The following ZNF280C variants were observed in gnomAD, a reference collection of about 807,000 sequenced individuals.
The protein encoded by ZNF280C is suppressor of hairy wing homolog 3.
ZNF280C carries 14 observed loss-of-function variants against 53.6 expected under a neutral mutation model. The observed-to-expected ratio is 0.26, with a 90% CI of 0.17 to 0.41. ZNF280C has a LOEUF of 0.41. Ranked by LOEUF, ZNF280C falls within the 10% of genes least tolerant of loss-of-function variation. ZNF280C has a pLI of 1.00. For missense variants in ZNF280C, 416 were observed against 547.1 expected, an observed-to-expected ratio of 0.76 and a Z score of 2.39; for synonymous variants, 203 against 181.1, an observed-to-expected ratio of 1.12 and a Z score of -0.97.
chrX:130,220,222 T>C, intron 13 of ZNF280C, 127 bp downstream of exon 13: 1 of 522,983 alleles, frequency 1.9e-6, no homozygotes, highest in Non-Finnish European at 2.8e-6. Context: ...TAAATTATTG[T>C]TAATATAGTT....
intron 3 of ZNF280C, among the ~76,000 whole-genome samples, chrX:130,245,650 G>A (rs1415313615): frequency 1.8e-5 from 2 of 111,821 alleles, no homozygotes; most frequent in Non-Finnish European, 3.8e-5. Context: ...TAAGAAAGAA[G>A]ACTGGTATGC....
At chrX:130,207,789 C>A (rs948624531) in intron 16 of ZNF280C, among the ~76,000 whole-genome samples, 7 of 112,187 alleles carry the variant, frequency 6.2e-5, no homozygotes, top group African/African-American at 2.3e-4. Flanking sequence ...AACTTTTATT[C>A]ATGTTATTTC....
intron 12 of ZNF280C, among the ~76,000 whole-genome samples, chrX:130,222,555 C>G (rs960093194): frequency 3.6e-5 from 4 of 112,212 alleles, no homozygotes; most frequent in African/African-American, 1.3e-4. Flanking sequence ...TTTACTTGTC[C>G]AGAGCCCCAA....
At chrX:130,240,219 GACAAAGA>G (rs769522018) in intron 5 of ZNF280C, among the ~76,000 whole-genome samples, 51 of 111,417 alleles carry the variant, frequency 4.6e-4, no homozygotes, top group Non-Finnish European at 6.8e-4. Flanking sequence ...AATACCCAAT[GACAAAGA>G]ACAATGTTCC....
At chrX:130,247,039 T>C in intron 2 of ZNF280C, 34 bp from the exon 3 acceptor site, 3 of 1,163,484 alleles carry the variant, frequency 2.6e-6, no homozygotes, top group Non-Finnish European at 3.5e-6. Flanking sequence ...TAACTTTATT[T>C]TCAAAGAGAA....
At chrX:130,249,449 G>C (rs1369281197) in intron 2 of ZNF280C, among the ~76,000 whole-genome samples, 1 of 112,004 alleles carries the variant, frequency 8.9e-6, no homozygotes, top group Non-Finnish European at 1.9e-5. Context: ...GAGCACCTCA[G>C]TCCCCCTAGC....
At chrX:130,208,155 C>T (rs1314379011) in intron 16 of ZNF280C, among the ~76,000 whole-genome samples, 4 of 111,357 alleles carry the variant, frequency 3.6e-5, no homozygotes, top group Non-Finnish European at 5.7e-5. Flanking sequence ...TTTTTGAGAC[C>T]GAGTCTCACT....
At chrX:130,229,395 AT>A (rs2032255349) in intron 9 of ZNF280C, among the ~76,000 whole-genome samples, 1 of 112,008 alleles carries the variant, frequency 8.9e-6, no homozygotes, top group African/African-American at 3.2e-5. Context: ...CTGTAACACT[AT>A]ATCATTATTT....
At chrX:130,208,877 G>A (rs769963563) in intron 16 of ZNF280C, among the ~76,000 whole-genome samples, 18 of 109,848 alleles carry the variant, frequency 1.6e-4, no homozygotes, top group African/African-American at 6.0e-4. Context: ...GGTATTTTTA[G>A]TAGAGACAGG....
intron 2 of ZNF280C, among the ~76,000 whole-genome samples, chrX:130,249,802 G>T (rs140991707): frequency 1.6e-3 from 181 of 111,854 alleles, no homozygotes; most frequent in African/African-American, 5.5e-3. Context: ...GGTTCCGAAG[G>T]GGGCTGAGAT....
chrX:130,236,254 A>C lies in ZNF280C; in HGVS notation c.731T>G (p.Val244Gly). ...CAAAGGATCCAAAAGATTGAACTGA[A>C]CATTGCACTTTGGACAAGCTCTTAG... The part of the protein sequence containing the change: ...DYLRACPKCN[V>G]QFNLLDPLKY... Residue 244 changes from valine to glycine, a missense_variant, in exon 8 of 19, where the codon GTT (valine) becomes GGT (glycine). Val to Gly is a moderately radical substitution (Grantham distance 109). Around this residue, in one of 3 missense-constraint regions of ZNF280C, gnomAD observed 193 missense variants for 201.4 expected, o/e 0.96. Transcript: ENST00000370978. 2.5e-6 allele frequency: 3 copies of C among 1,208,539 alleles called. No homozygotes were observed. Among genetic ancestry groups the C allele is most frequent in the Non-Finnish European group, 2.2e-6 (2 of 893,801 alleles).
chrX:130,203,137 T>A lies in ZNF280C; in HGVS notation c.*1840A>T, dbSNP rs919011959. On this transcript the variant is annotated 3_prime_UTR_variant, in exon 19 of 19. Transcript: ENST00000370978. ...AAGTATGAAATTAAGAAGCTACCAATAAGTAGCTACACGAAATCTGTAGAC... is the reference window on the plus strand; with the variant it reads ...AAGTATGAAATTAAGAAGCTACCAAAAAGTAGCTACACGAAATCTGTAGAC... 4 of 111,292 alleles carry A rather than the reference T, an allele frequency of 3.6e-5. No individual in the cohort carries two copies. The highest frequency in any genetic ancestry group is 7.5e-5 in the Non-Finnish European group (4 of 53,113). The allele number at this position is 111,292 out of a possible 1,213,427, so 9.2% of individuals were successfully genotyped here.
chrX:130,258,192 G>A (rs2032595443), intron 2 of ZNF280C, among the ~76,000 whole-genome samples: 2 of 111,722 alleles, frequency 1.8e-5, no homozygotes, highest in South Asian at 3.7e-4. Flanking sequence ...GTGGATTGTC[G>A]GGGACAACTA....
chrX:130,232,796 A>G lies in ZNF280C; in HGVS notation c.772-2069T>C, dbSNP rs768189479. ...GGAGGTTTCTCAAAAAGTTAAAAAT[A>G]GAACTACCATATGATCCAGTAATCC... On this transcript the variant is annotated intron_variant, in intron 8 of 18. Transcript: ENST00000370978. 5.3e-5 allele frequency among the ~76,000 whole-genome samples: 6 copies of G among 112,288 alleles called. No homozygotes were observed. In the South Asian group the frequency reaches 2.2e-3, roughly 42 times the overall value.
At chrX:130,248,989 T>C (rs2032478135) in intron 2 of ZNF280C, among the ~76,000 whole-genome samples, 1 of 111,643 alleles carries the variant, frequency 9.0e-6, no homozygotes, top group Non-Finnish European at 1.9e-5. Flanking sequence ...ACCATTGTAG[T>C]CGGAGCCTTG....
At chrX:130,224,115 T>C (rs1225361706) in intron 12 of ZNF280C, among the ~76,000 whole-genome samples, 1 of 111,887 alleles carries the variant, frequency 8.9e-6, no homozygotes, top group African/African-American at 3.3e-5. Context: ...TAATTTTCAA[T>C]GTAATAGTAT....
intron 10 of ZNF280C, 145 bp downstream of exon 10, chrX:130,228,831 TA>T: frequency 1.7e-6 from 1 of 581,632 alleles, no homozygotes; most frequent in Non-Finnish European, 2.6e-6. Flanking sequence ...TCTAGGTTTA[TA>T]AAAGTTATGA....
chrX:130,239,117 C>T (rs1190728843), intron 6 of ZNF280C, among the ~76,000 whole-genome samples: 1 of 111,656 alleles, frequency 9.0e-6, no homozygotes, highest in Non-Finnish European at 1.9e-5. Context: ...GTTCATTTTA[C>T]AATACTACTC....
At chrX:130,219,248 G>C (rs2124699893) in intron 13 of ZNF280C, among the ~76,000 whole-genome samples, 1 of 110,917 alleles carries the variant, frequency 9.0e-6, no homozygotes, top group South Asian at 3.9e-4. Flanking sequence ...CACTCTGGGA[G>C]GCCGAGGCGG....
Sources: gnomAD v4.1 joint callset for allele counts (sites outside exome capture counted in the v4.1 genomes callset) on GRCh38, gnomAD v4.1.1 for gene constraint, gnomAD v4.1.1 regional missense constraint, MANE v1.5 for transcripts, NCBI Gene and HGNC (gene_info 2026-07-23, HGNC 2026-07-21) for gene names.